The following ATP6V0D2 variants were observed in gnomAD, a reference collection of about 807,000 sequenced individuals.
ATP6V0D2 encodes the protein ATPase H+ transporting V0 subunit d2.
A neutral mutation model predicts 40.0 loss-of-function variants in ATP6V0D2; 40 were observed. The observed-to-expected ratio is 1.00, with a 90% CI of 0.78 to 1.30. The LOEUF (loss-of-function observed/expected upper bound fraction) is 1.30, where lower values mean the gene tolerates loss of function less well. Among genes scored for constraint, ATP6V0D2 ranks in the 50% most tolerant of loss-of-function variants. The pLI is 0.00. For missense variants in ATP6V0D2, 470 were observed against 423.1 expected (o/e 1.11, Z -0.97); for synonymous variants, 179 against 156.3 (o/e 1.15, Z -1.08).
chr8:86,127,732 C>T (rs1219181510), intron 2 of ATP6V0D2, among the ~76,000 whole-genome samples: 1 of 152,170 alleles, frequency 6.6e-6, no homozygotes, highest in Non-Finnish European at 1.5e-5. Flanking sequence ...CCTGAACATG[C>T]ATTATATGTC....
intron 2 of ATP6V0D2, among the ~76,000 whole-genome samples, chr8:86,118,241 T>C (rs1818622801): frequency 1.1e-5 from 1 of 94,862 alleles, no homozygotes. Context: ...TTGTATTTTT[T>C]TTTATTTTTT....
At position 86,151,535 on chromosome 8, in the gene ATP6V0D2, C is replaced by A. The variant is rs537083185; in HGVS notation, c.886C>A (p.Arg296Ser). 2 of 1,604,034 alleles carry A rather than the reference C, an allele frequency of 1.2e-6. No homozygotes were observed. Among genetic ancestry groups the A allele is most frequent in the Non-Finnish European group, 8.5e-7 (1 of 1,174,948 alleles). Residue 296 changes from arginine (R) to serine (S), a missense_variant, in exon 7 of 8, where the codon CGT becomes AGT. Transcript: ENST00000285393. ...GKTLEDVFYE[R>S]EVQMNVLAFN... The stretch of plus-strand genomic sequence containing the variant: ...GACATTGGAGGACGTGTTTTACGAG[C>A]GTGAGGTATGATATAAGTGGAAATA...
At chr8:86,146,130 C>T (rs1345181014) in intron 5 of ATP6V0D2, among the ~76,000 whole-genome samples, 1 of 152,092 alleles carries the variant, frequency 6.6e-6, no homozygotes, top group African/African-American at 2.4e-5. Context: ...TTTATATAAA[C>T]GTGAGTGCTA....
Position 86,113,774 on chromosome 8 carries a change from ACTGTTTC to A in ATP6V0D2, c.198_204del (p.Val67LysfsTer6). On this transcript the variant is annotated frameshift_variant, in exon 2 of 8. Transcript: ENST00000285393. LOFTEE classifies it high-confidence loss of function. Reference sequence around the variant, plus strand: ...TTTGGCTAATCACACAAATCCTCTTACTGTTTCCAAAATTGACACTGAGATGAGGAAA... The same window carrying A: ...TTTGGCTAATCACACAAATCCTCTTACAAAATTGACACTGAGATGAGGAAA... The A allele has an allele frequency of 6.2e-7, 1 of 1,613,874 alleles. No homozygotes were observed. Among genetic ancestry groups the A allele is most frequent in the Non-Finnish European group, 8.5e-7 (1 of 1,179,858 alleles).
In ATP6V0D2 at chr8:86,142,912, T is replaced by A; in HGVS notation, c.597T>A (p.Asn199Lys). Residue 199 changes from asparagine (N) to lysine (K), a missense_variant, in exon 5 of 8, where the codon AAT becomes AAA. Transcript: ENST00000285393. ...YLEAFYKFCK[N>K]HGDVTAEVMC... ...AGGCATTCTATAAATTCTGTAAGAA[T>A]CATGGTGATGTCACAGCAGAAGTTA... is the stretch of plus-strand genomic sequence containing the variant. 6.2e-7 allele frequency: 1 copy of A among 1,610,628 alleles called. No individual in the cohort carries two copies. The highest frequency in any genetic ancestry group is 8.5e-7 in the Non-Finnish European group (1 of 1,178,084).
chr8:86,130,126 T>C (rs1050029856), intron 2 of ATP6V0D2, among the ~76,000 whole-genome samples: 8 of 152,156 alleles, frequency 5.3e-5, no homozygotes, highest in African/African-American at 1.9e-4. Context: ...CTAAGTCCAA[T>C]GGATATTTTT....
intron 7 of ATP6V0D2, among the ~76,000 whole-genome samples, chr8:86,152,573 C>A (rs1023528181): frequency 2.0e-5 from 3 of 152,146 alleles, no homozygotes; most frequent in Admixed American, 1.3e-4. Context: ...CAATTTGGAG[C>A]TTTTCTTGTG....
In ATP6V0D2 at chr8:86,141,490, T is replaced by G; in HGVS notation, c.522T>G (p.Asp174Glu). The change falls in exon 4 of 8, where the codon GAT becomes GAG. Residue 174 changes from aspartate (D) to glutamate (E), a missense_variant. Physicochemically the swap from Asp to Glu is conservative, Grantham distance 45. Transcript: ENST00000285393. The stretch of plus-strand genomic sequence containing the variant: ...ACTGCATGTCTGAAAATGCTCTAGA[T>G]GAACTGAATATTGAATTGCTACGCA... The part of the protein sequence containing the change: ...FQDCMSENAL[D>E]ELNIELLRNK... 2 of 1,610,432 alleles carry G rather than the reference T, an allele frequency of 1.2e-6. No individual in the cohort carries two copies. The highest frequency in any genetic ancestry group is 1.7e-6 in the Non-Finnish European group (2 of 1,177,876).
intron 2 of ATP6V0D2, among the ~76,000 whole-genome samples, chr8:86,138,560 C>T (rs1047379838): frequency 1.7e-4 from 26 of 152,190 alleles, no homozygotes; most frequent in African/African-American, 6.3e-4. Flanking sequence ...AAAGAAATCA[C>T]ATAAAAATGA....
intron 2 of ATP6V0D2, among the ~76,000 whole-genome samples, chr8:86,126,779 T>G (rs1818751867): frequency 6.6e-6 from 1 of 152,150 alleles, no homozygotes; most frequent in Non-Finnish European, 1.5e-5. Context: ...GGAAATTTTA[T>G]ACCTCTGGAG....
chr8:86,151,100 A>G (rs899441125), intron 6 of ATP6V0D2, among the ~76,000 whole-genome samples: 5 of 152,216 alleles, frequency 3.3e-5, no homozygotes, highest in African/African-American at 4.8e-5. Context: ...TGTGAATTTT[A>G]TCAATTTTCA....
chr8:86,141,608 T>G, intron 4 of ATP6V0D2, 79 bp downstream of exon 4: 1 of 1,026,066 alleles, frequency 9.7e-7, no homozygotes, highest in Non-Finnish European at 1.4e-6. Context: ...AAACTTACTT[T>G]ACTCATTAAC....
intron 5 of ATP6V0D2, among the ~76,000 whole-genome samples, chr8:86,145,643 G>A (rs528144845): frequency 9.9e-5 from 15 of 152,212 alleles, no homozygotes; most frequent in African/African-American, 3.6e-4. Context: ...ATCATTAACT[G>A]GTGACCCTAT....
At chr8:86,133,625 G>C (rs763676820) in intron 2 of ATP6V0D2, among the ~76,000 whole-genome samples, 1 of 151,988 alleles carries the variant, frequency 6.6e-6, no homozygotes, top group Non-Finnish European at 1.5e-5. Flanking sequence ...CTGGCCACAA[G>C]CAGAAAATCT....
chr8:86,117,479 T>C (rs1818604868), intron 2 of ATP6V0D2, among the ~76,000 whole-genome samples: 2 of 152,194 alleles, frequency 1.3e-5, no homozygotes, highest in Non-Finnish European at 2.9e-5. Context: ...GAAAAGACCA[T>C]AGGTCAAGGA....
chr8:86,131,720 C>T (rs746358819), intron 2 of ATP6V0D2, among the ~76,000 whole-genome samples: 1 of 151,906 alleles, frequency 6.6e-6, no homozygotes, highest in Non-Finnish European at 1.5e-5. Flanking sequence ...AGGCTGGTCT[C>T]GAACTCCTGA....
intron 2 of ATP6V0D2, among the ~76,000 whole-genome samples, chr8:86,135,045 G>A (rs900911168): frequency 4.6e-5 from 7 of 152,150 alleles, no homozygotes; most frequent in African/African-American, 1.7e-4. Context: ...GTGGGAAAGG[G>A]TGGGTGTGAC....
At chr8:86,131,627 A>C (rs910591614) in intron 2 of ATP6V0D2, among the ~76,000 whole-genome samples, 7 of 151,798 alleles carry the variant, frequency 4.6e-5, no homozygotes, top group Non-Finnish European at 1.0e-4. Context: ...CAGCCTCCCG[A>C]GTAGCTGGGA....
At chr8:86,140,004 G>A (rs1264975938) in intron 3 of ATP6V0D2, among the ~76,000 whole-genome samples, 4 of 152,134 alleles carry the variant, frequency 2.6e-5, no homozygotes, top group African/African-American at 7.2e-5. Context: ...TAATTTTCTA[G>A]CTTGGTTTTA....
Sources: allele counts gnomAD v4.1 joint callset (sites outside exome capture counted in the v4.1 genomes callset), GRCh38; gene constraint gnomAD v4.1.1; transcripts MANE v1.5; gene names NCBI Gene and HGNC (gene_info 2026-07-23, HGNC 2026-07-21).